The following AGBL1 variants were observed in gnomAD, a reference collection of about 807,000 sequenced individuals.
AGBL1 encodes AGBL carboxypeptidase 1.
Under a neutral mutation model 118.9 loss-of-function variants are expected in AGBL1, and 130 were observed. That is an observed-to-expected ratio of 1.09 (90% CI 0.95 to 1.26). AGBL1 has a LOEUF of 1.26. Among genes scored for constraint, AGBL1 ranks in the 50% most tolerant of loss-of-function variants. The pLI, the probability that AGBL1 is intolerant of heterozygous loss-of-function variation, is 0.00. For synonymous variants in AGBL1, 555 were observed against 478.9 expected (o/e 1.16, Z -2.08); for missense variants, 1,584 against 1,298.1 (o/e 1.22, Z -3.38).
At chr15:86,689,754 C>G (rs2086130308) in intron 22 of AGBL1, among the ~76,000 whole-genome samples, 3 of 151,890 alleles carry the variant, frequency 2.0e-5, no homozygotes, top group Non-Finnish European at 4.4e-5. Flanking sequence ...TGTGATACTA[C>G]AACACATTAG....
chr15:86,580,873 T>C (rs2084163900), intron 21 of AGBL1, among the ~76,000 whole-genome samples: 1 of 152,162 alleles, frequency 6.6e-6, no homozygotes, highest in African/African-American at 2.4e-5. Flanking sequence ...TCCACATTGC[T>C]TTGAAGCCTT....
intron 19 of AGBL1, among the ~76,000 whole-genome samples, chr15:86,528,277 G>A (rs1047671985): frequency 2.0e-5 from 3 of 152,234 alleles, no homozygotes; most frequent in Admixed American, 6.5e-5. Flanking sequence ...GAAGCAGGGC[G>A]AGGCATTGCC....
At chr15:86,861,142 A>AT (rs1036995917) in intron 22 of AGBL1, among the ~76,000 whole-genome samples, 11 of 151,898 alleles carry the variant, frequency 7.2e-5, no homozygotes, top group Admixed American at 5.9e-4. Flanking sequence ...CTGCTCCCAA[A>AT]TTTTTTCTAG....
At chr15:86,423,442 C>T (rs1596096522) in intron 18 of AGBL1, among the ~76,000 whole-genome samples, 3 of 151,748 alleles carry the variant, frequency 2.0e-5, no homozygotes, top group African/African-American at 7.2e-5. Context: ...TACTGAATAG[C>T]AAAAGCTGGA....
At chr15:86,341,888 G>A (rs2080467182) in intron 17 of AGBL1, among the ~76,000 whole-genome samples, 1 of 152,032 alleles carries the variant, frequency 6.6e-6, no homozygotes, top group South Asian at 2.1e-4. Context: ...CTTCATTTTA[G>A]AATTTACTGT....
intron 21 of AGBL1, among the ~76,000 whole-genome samples, chr15:86,589,232 T>C (rs62012479): frequency 0.027 from 4,142 of 152,254 alleles, 106 homozygotes; most frequent in East Asian, 0.13. Context: ...TACTGATAAC[T>C]CTATAGGTTT....
At position 86,153,713 on chromosome 15, in the gene AGBL1, T is replaced by C. The variant is rs2141687718; in HGVS notation, c.263-717T>C. 2.0e-5 allele frequency among the ~76,000 whole-genome samples: 3 copies of C among 152,346 alleles called. No homozygotes were observed. The South Asian group carries it at 6.2e-4, about 32-fold the overall frequency. On this transcript the variant is annotated intron_variant, in intron 3 of 22. Coordinates refer to ENST00000614907, the MANE Select transcript of AGBL1 (RefSeq NM_001386094.1). The stretch of plus-strand genomic sequence containing the variant: ...AATTTTATTTTCTTAACAATGTCTT[T>C]TGACTTTTTATTATGAAAACTCTCT...
intron 5 of AGBL1, among the ~76,000 whole-genome samples, chr15:86,165,613 T>TC (rs956008896): frequency 3.9e-5 from 6 of 152,118 alleles, no homozygotes; most frequent in African/African-American, 1.4e-4. Flanking sequence ...GTTACTGAAT[T>TC]CCCCCTGGGT....
intron 21 of AGBL1, among the ~76,000 whole-genome samples, chr15:86,603,045 G>GAAAGC (rs1404753259): frequency 6.6e-6 from 1 of 152,168 alleles, no homozygotes; most frequent in African/African-American, 2.4e-5. Flanking sequence ...CAGTTCAGAA[G>GAAAGC]AAAGCAATGA....
At chr15:86,780,251 G>C (rs148339210) in intron 22 of AGBL1, among the ~76,000 whole-genome samples, 1 of 152,136 alleles carries the variant, frequency 6.6e-6, no homozygotes, top group Non-Finnish European at 1.5e-5. Flanking sequence ...CTTCACTGCC[G>C]TGTCAGTTTT....
intron 1 of AGBL1, among the ~76,000 whole-genome samples, chr15:86,126,117 C>T (rs1224181775): frequency 6.6e-6 from 1 of 152,092 alleles, no homozygotes; most frequent in African/African-American, 2.4e-5. Flanking sequence ...CACCTTCATC[C>T]TTGGAAGCTA....
chr15:86,872,784 T>G (rs1006154838), intron 22 of AGBL1, among the ~76,000 whole-genome samples: 3 of 152,052 alleles, frequency 2.0e-5, no homozygotes, highest in African/African-American at 7.2e-5. Flanking sequence ...GAAAGTACTT[T>G]CTATGCCAGT....
intron 9 of AGBL1, among the ~76,000 whole-genome samples, chr15:86,261,895 G>T (rs2078992104): frequency 6.6e-6 from 1 of 151,960 alleles, no homozygotes; most frequent in Non-Finnish European, 1.5e-5. Flanking sequence ...AGATGTAGTA[G>T]GAGAATACCA....
intron 21 of AGBL1, among the ~76,000 whole-genome samples, chr15:86,561,811 G>T (rs1259793728): frequency 6.6e-6 from 1 of 152,084 alleles, no homozygotes; most frequent in Non-Finnish European, 1.5e-5. Context: ...CCATTTGTTT[G>T]TATCCTCTTT....
At chr15:86,595,891 T>G (rs1399872706) in intron 21 of AGBL1, among the ~76,000 whole-genome samples, 1 of 151,890 alleles carries the variant, frequency 6.6e-6, no homozygotes, top group Admixed American at 6.6e-5. Context: ...ATGATCCTAG[T>G]GCACTGAGTC....
chr15:86,330,773 G>T (rs550560395), intron 17 of AGBL1, among the ~76,000 whole-genome samples: 2 of 147,400 alleles, frequency 1.4e-5, no homozygotes, highest in South Asian at 2.2e-4. Context: ...ATCTTTAAAA[G>T]AAATCAATCA....
At chr15:86,827,905 C>T (rs899455754) in intron 22 of AGBL1, among the ~76,000 whole-genome samples, 3 of 115,034 alleles carry the variant, frequency 2.6e-5, no homozygotes, top group African/African-American at 9.8e-5. Context: ...TTTTTACATA[C>T]AATTAACATA....
At chr15:86,120,500 G>A (rs1898030073) in intron 1 of AGBL1, among the ~76,000 whole-genome samples, 1 of 152,200 alleles carries the variant, frequency 6.6e-6, no homozygotes, top group African/African-American at 2.4e-5. Context: ...GATGGTAGAT[G>A]TGCCCTCTTA....
intron 1 of AGBL1, among the ~76,000 whole-genome samples, chr15:86,111,674 G>A (rs1446173267): frequency 6.6e-6 from 1 of 152,162 alleles, no homozygotes; most frequent in East Asian, 1.9e-4. Context: ...AAACACTTGT[G>A]TAGTATCAAA....
Sources: gnomAD v4.1 joint callset for allele counts (sites outside exome capture counted in the v4.1 genomes callset) on GRCh38, gnomAD v4.1.1 for gene constraint, MANE v1.5 for transcripts, NCBI Gene and HGNC (gene_info 2026-07-23, HGNC 2026-07-21) for gene names.